Variants in CEP290 observed in about 807,000 individuals in gnomAD.
The protein encoded by CEP290 is centrosomal protein 290.
A neutral mutation model predicts 344.9 loss-of-function variants in CEP290; 317 were observed. The observed-to-expected ratio is 0.92, with a 90% CI of 0.84 to 1.01. The LOEUF (loss-of-function observed/expected upper bound fraction) is 1.01. Among genes scored for constraint, CEP290 ranks in the 50% least tolerant of loss-of-function variants. The pLI, the probability that CEP290 is intolerant of heterozygous loss-of-function variation, is 0.00. For synonymous variants in CEP290, 932 were observed against 895.8 expected, an observed-to-expected ratio of 1.04 and a Z score of -0.72; for missense variants, 2,754 against 2,761.4, an observed-to-expected ratio of 1.00 and a Z score of 0.06.
intron 6 of CEP290, chr12:88,136,213 A>G (rs938234361): frequency 1.2e-5 from 2 of 160,694 alleles, no homozygotes; most frequent in African/African-American, 4.8e-5. Flanking sequence ...TATTTAATTA[A>G]CCATTATTGA....
rs138609115 is a variant in CEP290, at chr12:88,091,120, T to C, written c.3462-281A>G. ...CAGTGCTCCCAGAGGTTCTATCATA[T>C]ATAATTATCTCAAATCATACTTACT... is the stretch of plus-strand genomic sequence containing the variant. On this transcript the variant is annotated intron_variant, in intron 29 of 53. Coordinates refer to ENST00000552810, the MANE Select transcript of CEP290 (RefSeq NM_025114.4). Among the ~76,000 whole-genome samples, 20 of 152,292 alleles carry C rather than the reference T, an allele frequency of 1.3e-4. No individual in the cohort carries two copies. In the East Asian group the frequency reaches 3.7e-3, roughly 28 times the overall value.
intron 27 of CEP290, among the ~76,000 whole-genome samples, chr12:88,094,736 T>C (rs2037309438): frequency 6.6e-6 from 1 of 152,022 alleles, no homozygotes; most frequent in African/African-American, 2.4e-5. Flanking sequence ...CAAAATTTGG[T>C]AGAGTGTTTT....
rs7307793 is a variant in CEP290 at position 88,089,351 on chromosome 12, C to A, written c.3710G>T (p.Arg1237Leu). 3 of 1,613,844 alleles carry A rather than the reference C, an allele frequency of 1.9e-6. No homozygotes were observed. Among genetic ancestry groups the A allele is most frequent in the East Asian group, 4.5e-5 (2 of 44,868 alleles). Residue 1237 changes from arginine (R) to leucine (L), a missense_variant, in exon 31 of 54, where the codon CGC becomes CTC. Arg to Leu is a moderately radical substitution (Grantham distance 102). Coordinates refer to ENST00000552810, the MANE Select transcript of CEP290 (RefSeq NM_025114.4). ...TTTTTCATCAAGTTTCTGCTCTAAGCGCAAGTTGTAGGCCTCCATCTTCTG... is the reference window on the plus strand; with the variant it reads ...TTTTTCATCAAGTTTCTGCTCTAAGAGCAAGTTGTAGGCCTCCATCTTCTG... ...KLQKMEAYNL[R>L]LEQKLDEKEQ...
intron 39 of CEP290, among the ~76,000 whole-genome samples, chr12:88,078,818 A>C (rs2035974691): frequency 6.6e-6 from 1 of 152,150 alleles, no homozygotes; most frequent in Non-Finnish European, 1.5e-5. Context: ...AAAGTCTTAA[A>C]AAAAATCCTA....
At chr12:88,129,428 G>A (rs2039933998) in intron 10 of CEP290, among the ~76,000 whole-genome samples, 1 of 151,742 alleles carries the variant, frequency 6.6e-6, no homozygotes, top group African/African-American at 2.4e-5. Context: ...AGGATTTTCA[G>A]TAGTCTTTTA....
intron 18 of CEP290, chr12:88,115,863 G>T: frequency 1.0e-6 from 1 of 982,708 alleles, no homozygotes; most frequent in Non-Finnish European, 1.2e-6. Flanking sequence ...AATAGACACA[G>T]GGTCTGGAAG....
At chr12:88,099,824 A>G (rs1012964611) in intron 26 of CEP290, among the ~76,000 whole-genome samples, 7 of 152,044 alleles carry the variant, frequency 4.6e-5, no homozygotes, top group Non-Finnish European at 7.4e-5. Context: ...CCTTTTTCAC[A>G]GGATAATCCT....
chr12:88,050,313 C>T, intron 53 of CEP290, 41 bp downstream of exon 53: 1 of 950,274 alleles, frequency 1.1e-6, no homozygotes, highest in South Asian at 1.5e-5. Flanking sequence ...TTTTCAACAG[C>T]TGTTTTCACA....
At position 88,071,914 on chromosome 12, in the gene CEP290, C is replaced by A; in HGVS notation, c.5722G>T (p.Glu1908Ter). 6.3e-7 allele frequency: 1 copy of A among 1,591,098 alleles called. No homozygotes were observed. The highest frequency in any genetic ancestry group is 8.5e-7 in the Non-Finnish European group (1 of 1,171,446). Residue 1908 changes from glutamate to a stop codon, truncating the protein, a stop_gained, in exon 42 of 54, where the codon GAA becomes TAA. Transcript: ENST00000552810. LOFTEE classifies it high-confidence loss of function. ...TTACCTTCTTCCCACCTAATTAATT[C>A]TTCTTTAGCATTCTGTAACAATAAC... The part of the protein sequence containing the change: ...KPMKEKNAKE[E>*]LIRWEEGKKW...
chr12:88,121,167 C>A lies in CEP290; in HGVS notation c.1190-1G>T. The A allele has an allele frequency of 6.2e-7, 1 of 1,606,662 alleles. No individual in the cohort carries two copies. Among genetic ancestry groups the A allele is most frequent in the Non-Finnish European group, 8.5e-7 (1 of 1,177,384 alleles). On this transcript the variant is annotated splice_acceptor_variant, in intron 13 of 53. Transcript: ENST00000552810. LOFTEE classifies it high-confidence loss of function. ...GTCTGTTGAGAAAGGGTTGAAGCAC[C>A]TACAGAGTAAAAACAAAAATCATGA...
intron 23 of CEP290, among the ~76,000 whole-genome samples, chr12:88,108,574 G>A (rs776435819): frequency 2.6e-4 from 39 of 152,202 alleles, no homozygotes; most frequent in Non-Finnish European, 4.9e-4. Context: ...TAGATGAGAT[G>A]ACAGAAATAA....
At position 88,079,112 on chromosome 12, in the gene CEP290, G is replaced by C. The variant is rs575767207; in HGVS notation, c.5344C>G (p.Arg1782Gly). 6.3e-7 allele frequency: 1 copy of C among 1,590,492 alleles called. No individual in the cohort carries two copies. Among genetic ancestry groups the C allele is most frequent in the Non-Finnish European group, 8.5e-7 (1 of 1,171,482 alleles). The change falls in exon 39 of 54, where the codon CGA becomes GGA. Residue 1782 changes from arginine (R) to glycine (G), a missense_variant. Physicochemically the swap from Arg to Gly is moderately radical, Grantham distance 125. Transcript: ENST00000552810. ...AHLNVQQIVDRHTRELKTQVE... is the reference protein window; with the variant it reads ...AHLNVQQIVDGHTRELKTQVE... ...TTCACCTTTAGCTCTCTAGTATGTC[G>C]ATCAACGATTTGTTGAACATTGAGA...
chr12:88,098,163 GT>G (rs1565862943), intron 26 of CEP290, among the ~76,000 whole-genome samples: 10 of 151,924 alleles, frequency 6.6e-5, no homozygotes. Flanking sequence ...AAATTAGCCA[GT>G]CATGATGGCA....
At chr12:88,106,579 A>C in intron 25 of CEP290, 96 bp downstream of exon 25, 2 of 734,948 alleles carry the variant, frequency 2.7e-6, no homozygotes, top group Non-Finnish European at 4.3e-6. Context: ...AATGTTAACT[A>C]TTAATTCAGG....
intron 13 of CEP290, 29 bp from the exon 14 acceptor site, chr12:88,121,195 T>G: frequency 6.4e-7 from 1 of 1,553,898 alleles, no homozygotes; most frequent in South Asian, 1.2e-5. Context: ...AATCATGAAT[T>G]GAATTGACTA....
At chr12:88,057,903 C>A (rs2034141699) in intron 49 of CEP290, 1 of 152,280 alleles carries the variant, frequency 6.6e-6, no homozygotes, top group Non-Finnish European at 1.5e-5. Context: ...ATGAAAACCT[C>A]AAAGACATCA....
At chr12:88,058,824 A>ACAAGTTTAAAACTCTGTT (rs2034228117) in intron 49 of CEP290, 24 bp downstream of exon 49, 1 of 1,607,480 alleles carries the variant, frequency 6.2e-7, no homozygotes, top group Non-Finnish European at 8.5e-7. Flanking sequence ...TAAACTTTGT[A>ACAAGTTTAAAACTCTGTT]CAAGTTTAAA....
At chr12:88,075,292 T>A (rs138953465) in intron 41 of CEP290, among the ~76,000 whole-genome samples, 2 of 1,422 alleles carry the variant, frequency 1.4e-3, no homozygotes, top group African/African-American at 2.1e-3. Flanking sequence ...CAAAACAGGT[T>A]ATGTTCTAGA....
At chr12:88,072,071 T>C in intron 41 of CEP290, 145 bp from the exon 42 acceptor site, 1 of 754,118 alleles carries the variant, frequency 1.3e-6, no homozygotes, top group Non-Finnish European at 1.9e-6. Flanking sequence ...CTATACAGGT[T>C]GAGTATCCCT....
Sources: gnomAD v4.1 joint callset for allele counts (sites outside exome capture counted in the v4.1 genomes callset) on GRCh38, gnomAD v4.1.1 for gene constraint, MANE v1.5 for transcripts, NCBI Gene and HGNC (gene_info 2026-07-23, HGNC 2026-07-21) for gene names.